The following PLEKHA7 variants were observed in gnomAD, a reference collection of about 807,000 sequenced individuals.
PLEKHA7 encodes pleckstrin homology domain containing A7, also known as pleckstrin homology domain-containing family A member 7.
A neutral mutation model predicts 170.0 loss-of-function variants in PLEKHA7; 104 were observed. That is an observed-to-expected ratio of 0.61 (90% CI 0.52 to 0.72). The LOEUF is 0.72. PLEKHA7 is among the 30% of genes least tolerant of loss of function. The pLI, the probability that PLEKHA7 is intolerant of heterozygous loss-of-function variation, is 0.00. For synonymous variants in PLEKHA7, 648 were observed against 660.8 expected (o/e 0.98, Z 0.30); for missense variants, 1,615 against 1,671.7 (o/e 0.97, Z 0.59).
At chr11:16,939,813 T>C (rs887505071) in intron 3 of PLEKHA7, among the ~76,000 whole-genome samples, 3 of 152,202 alleles carry the variant, frequency 2.0e-5, no homozygotes, top group Non-Finnish European at 4.4e-5. Context: ...TCTGGTTTGC[T>C]GCAAAGTTTA....
chr11:16,800,564 A>AT (rs1159145199), intron 17 of PLEKHA7, among the ~76,000 whole-genome samples: 1 of 152,216 alleles, frequency 6.6e-6, no homozygotes, highest in Non-Finnish European at 1.5e-5. Flanking sequence ...GATAACATCT[A>AT]TCTCCAGGAA....
chr11:16,787,714 CTTTTT>C (rs1158715025), intron 23 of PLEKHA7: 1 of 152,102 alleles, frequency 6.6e-6, no homozygotes. Flanking sequence ...CACAAGTCTT[CTTTTT>C]TAAGAGAAAA....
intron 3 of PLEKHA7, among the ~76,000 whole-genome samples, chr11:16,955,711 G>C (rs1861657556): frequency 6.6e-6 from 1 of 152,240 alleles, no homozygotes; most frequent in Non-Finnish European, 1.5e-5. Context: ...TGGAAGGACA[G>C]TGAAGACTAC....
intron 3 of PLEKHA7, among the ~76,000 whole-genome samples, chr11:16,979,548 G>A (rs114059560): frequency 0.016 from 2,453 of 152,226 alleles, 73 homozygotes; most frequent in African/African-American, 0.056. Context: ...GGGGAACTGA[G>A]GTGGCATAAA....
intron 3 of PLEKHA7, among the ~76,000 whole-genome samples, chr11:16,885,763 G>A (rs1030175883): frequency 5.9e-5 from 9 of 152,098 alleles, no homozygotes; most frequent in African/African-American, 2.2e-4. Flanking sequence ...GGAGGCCGAG[G>A]CGGGCGGATC....
At position 16,815,809 on chromosome 11, in the gene PLEKHA7, C is replaced by A. The variant is rs141555779; in HGVS notation, c.1953+369G>T. Among the ~76,000 whole-genome samples the A allele has an allele frequency of 5.4e-3, 816 of 152,286 alleles. 7 individuals are homozygous for A. The highest frequency in any genetic ancestry group is 0.018 in the African/African-American group (766 of 41,552). ...AGGATTACAAGTATGAACAACCACACCTGGTCTCAGACTCGAGCTTTGAAG... is the reference window on the plus strand; with the variant it reads ...AGGATTACAAGTATGAACAACCACAACTGGTCTCAGACTCGAGCTTTGAAG... On this transcript the variant is annotated intron_variant, in intron 12 of 26. Coordinates refer to ENST00000531066, the MANE Select transcript of PLEKHA7 (RefSeq NM_001329630.2).
In PLEKHA7 at chr11:16,801,814, G is replaced by T; in HGVS notation, c.2161C>A (p.Gln721Lys). 6.2e-7 allele frequency: 1 copy of T among 1,614,014 alleles called. No individual in the cohort carries two copies. Among genetic ancestry groups the T allele is most frequent in the Non-Finnish European group, 8.5e-7 (1 of 1,180,008 alleles). Residue 721 changes from glutamine to lysine, a missense_variant, in exon 16 of 27, where the codon CAG becomes AAG. Gln to Lys is a moderately conservative substitution (Grantham distance 53, BLOSUM62 1). Coordinates refer to ENST00000531066, the MANE Select transcript of PLEKHA7 (RefSeq NM_001329630.2). ...AACACCTCCAGCACAGATTCTAGCT[G>T]GTCCTGCACCACGAAGGGCCAAAAA... Reference protein sequence around the residue: ...KIRALKENKDQLESVLEVLHR... With the variant: ...KIRALKENKDKLESVLEVLHR...
intron 3 of PLEKHA7, among the ~76,000 whole-genome samples, chr11:16,916,307 T>C (rs1858673952): frequency 6.6e-6 from 1 of 152,184 alleles, no homozygotes. Flanking sequence ...ATTTTGTAGG[T>C]TGCCTGTTCA....
chr11:16,829,354 C>G (rs1039310732), intron 9 of PLEKHA7, among the ~76,000 whole-genome samples: 2 of 152,166 alleles, frequency 1.3e-5, no homozygotes, highest in African/African-American at 4.8e-5. Flanking sequence ...TTGGTTTCTG[C>G]TACTTATACT....
chr11:16,864,054 C>A (rs1565036112), intron 4 of PLEKHA7, among the ~76,000 whole-genome samples: 1 of 152,212 alleles, frequency 6.6e-6, no homozygotes, highest in Admixed American at 6.5e-5. Flanking sequence ...AGCCTACTCA[C>A]TCAGCGCACT....
chr11:17,002,286 C>T (rs962124868), intron 3 of PLEKHA7, among the ~76,000 whole-genome samples: 1 of 152,146 alleles, frequency 6.6e-6, no homozygotes, highest in African/African-American at 2.4e-5. Context: ...CGCCTGTAGT[C>T]GCAGCTACTC....
intron 3 of PLEKHA7, among the ~76,000 whole-genome samples, chr11:16,960,256 C>A (rs1005215727): frequency 2.6e-5 from 4 of 152,170 alleles, no homozygotes; most frequent in African/African-American, 7.2e-5. Flanking sequence ...GACCCAAGTC[C>A]AGGACTCAAG....
At chr11:17,001,491 C>T (rs927283968) in intron 3 of PLEKHA7, among the ~76,000 whole-genome samples, 4 of 152,132 alleles carry the variant, frequency 2.6e-5, no homozygotes, top group South Asian at 2.1e-4. Context: ...TCCCCTCTTC[C>T]GAGACGAGGA....
rs1255480081 is a variant in PLEKHA7, at chr11:16,927,867, TAATA to T, written c.222-56689_222-56686del. ...TCTAATTGTACGACAGGAAATTGGT[TAATA>T]AACTGTGGTACATGCTTACGATGGA... is the stretch of plus-strand genomic sequence containing the variant. On this transcript the variant is annotated intron_variant, in intron 3 of 26. Transcript: ENST00000531066. Among the ~76,000 whole-genome samples the T allele has an allele frequency of 2.6e-5, 4 of 152,212 alleles. No individual in the cohort carries two copies. In the East Asian group the frequency reaches 7.7e-4, roughly 29 times the overall value.
rs550293662 is a variant in PLEKHA7 at position 16,817,171 on chromosome 11, G to T, written c.1495C>A (p.Gln499Lys). ...ATCTTCAGGTGGCTGGCTCGGTCCT[G>T]CGCATACTTGTAGTCACTTGGCAGG... ...RNLPSDYKYA[Q>K]DRASHLKMSS... is the part of the protein sequence containing the mutation. The change falls in exon 11 of 27, where the codon CAG (glutamine) becomes AAG (lysine). Residue 499 changes from glutamine (Q) to lysine (K), a missense_variant. Gln to Lys is a moderately conservative substitution (Grantham distance 53). Transcript: ENST00000531066. The surrounding 1 kb of genome is among the most constrained non-coding windows in gnomAD (Gnocchi z 4.4). 4 of 1,614,208 alleles carry T rather than the reference G, an allele frequency of 2.5e-6. No individual in the cohort carries two copies. In the South Asian group the frequency reaches 3.3e-5, roughly 13 times the overall value.
At chr11:16,950,204 C>A (rs765791505) in intron 3 of PLEKHA7, among the ~76,000 whole-genome samples, 1 of 152,072 alleles carries the variant, frequency 6.6e-6, no homozygotes, top group Non-Finnish European at 1.5e-5. Context: ...CTATATACCA[C>A]GCCCTAGAAT....
At chr11:16,838,853 ATTTTTCATATTT>A (rs1851737530) in intron 9 of PLEKHA7, among the ~76,000 whole-genome samples, 1 of 151,764 alleles carries the variant, frequency 6.6e-6, no homozygotes, top group African/African-American at 2.4e-5. Flanking sequence ...CACTCTGCTA[ATTTTTCATATTT>A]TTAGTAGAGA....
At chr11:16,793,911 A>T (rs1156575057) in intron 19 of PLEKHA7, among the ~76,000 whole-genome samples, 4 of 152,204 alleles carry the variant, frequency 2.6e-5, no homozygotes, top group African/African-American at 9.6e-5. Context: ...TTCACTAGTT[A>T]GCATGGAGAC....
intron 3 of PLEKHA7, among the ~76,000 whole-genome samples, chr11:16,939,256 TA>T (rs1243038576): frequency 2.0e-5 from 3 of 151,814 alleles, no homozygotes; most frequent in African/African-American, 7.3e-5. Context: ...CCACTAAAAA[TA>T]CAAAAAATTA....
Sources: allele counts gnomAD v4.1 joint callset (sites outside exome capture counted in the v4.1 genomes callset), GRCh38; gene constraint gnomAD v4.1.1; non-coding constraint Gnocchi (gnomAD v3.1); transcripts MANE v1.5; gene names NCBI Gene and HGNC (gene_info 2026-07-23, HGNC 2026-07-21).